Variants in DACH2 observed in about 807,000 individuals in gnomAD.
The protein encoded by DACH2 is dachshund family transcription factor 2.
Under a neutral mutation model 35.8 loss-of-function variants are expected in DACH2, and 17 were observed. The observed-to-expected ratio is 0.48, with a 90% CI of 0.33 to 0.71. DACH2 has a LOEUF of 0.71. Ranked by LOEUF, DACH2 falls within the 30% of genes least tolerant of loss-of-function variation. DACH2 has a pLI of 0.02. For synonymous variants in DACH2, 195 were observed against 177.3 expected (o/e 1.10, Z -0.79); for missense variants, 469 against 472.7 (o/e 0.99, Z 0.07).
chrX:86,445,340 A>T (rs2037243725), intron 2 of DACH2, among the ~76,000 whole-genome samples: 1 of 60,434 alleles, frequency 1.7e-5, no homozygotes, highest in Non-Finnish European at 2.8e-5. Flanking sequence ...GGGGAATATC[A>T]CACTCTGGGG....
rs984975922 is a variant in DACH2, at chrX:86,778,225, A to T, written c.1241-34631A>T. ...TTGAGATCCCTCCATACTGTTTTCC[A>T]TAATGGCTGTACTGATTTACATTCC... On this transcript the variant is annotated intron_variant, in intron 7 of 11. Transcript: ENST00000373125. Among the ~76,000 whole-genome samples the T allele has an allele frequency of 2.7e-5, 3 of 111,539 alleles. No homozygotes were observed. The Admixed American group carries it at 2.9e-4, about 11-fold the overall frequency.
At chrX:86,348,958 C>T (rs4828147) in intron 1 of DACH2, among the ~76,000 whole-genome samples, 3 of 110,356 alleles carry the variant, frequency 2.7e-5, no homozygotes, top group East Asian at 2.9e-4. Context: ...TTAGAGCTCC[C>T]GAAGCCCCAG....
In DACH2 at chrX:86,655,999, G is replaced by T. The variant is rs186400148; in HGVS notation, c.772+4832G>T. Reference sequence around the variant, plus strand: ...CCAAGGAGTATATCATCAAGACTTTGTCCAGTGCGAAGAGACCAAGAAATA... The same window carrying T: ...CCAAGGAGTATATCATCAAGACTTTTTCCAGTGCGAAGAGACCAAGAAATA... On this transcript the variant is annotated intron_variant, in intron 4 of 11. Transcript: ENST00000373125. Among the ~76,000 whole-genome samples, 436 of 106,274 alleles carry T rather than the reference G, an allele frequency of 4.1e-3. 2 individuals carry two copies. Among genetic ancestry groups the T allele is most frequent in the African/African-American group, 0.014 (414 of 28,857 alleles). The allele number at this position is 106,274 out of a possible 115,157, so 92.3% of individuals were successfully genotyped here.
intron 4 of DACH2, among the ~76,000 whole-genome samples, chrX:86,670,677 C>T (rs995633751): frequency 3.6e-5 from 4 of 111,384 alleles, no homozygotes; most frequent in African/African-American, 1.3e-4. Flanking sequence ...AATGGTTCAT[C>T]CACTAATTAG....
chrX:86,461,110 G>A (rs1236892717), intron 2 of DACH2, among the ~76,000 whole-genome samples: 1 of 111,160 alleles, frequency 9.0e-6, no homozygotes, highest in Non-Finnish European at 1.9e-5. Context: ...ACCTATTTAT[G>A]TTTTAAAAAC....
intron 2 of DACH2, among the ~76,000 whole-genome samples, chrX:86,402,600 G>T (rs2036453950): frequency 9.0e-6 from 1 of 111,674 alleles, no homozygotes; most frequent in Non-Finnish European, 1.9e-5. Flanking sequence ...AAGGGTCATA[G>T]TGCCCAAGGA....
intron 1 of DACH2, among the ~76,000 whole-genome samples, chrX:86,311,476 T>C (rs1246633802): frequency 9.0e-6 from 1 of 111,323 alleles, no homozygotes; most frequent in Non-Finnish European, 1.9e-5. Flanking sequence ...GGGGCAAAGT[T>C]CTCCAGAAGG....
intron 3 of DACH2, among the ~76,000 whole-genome samples, chrX:86,518,481 T>A (rs190070263): frequency 1.5e-4 from 17 of 112,201 alleles, no homozygotes; most frequent in Admixed American, 8.5e-4. Flanking sequence ...GTAAATTGCT[T>A]TGGGCAGTAT....
intron 2 of DACH2, among the ~76,000 whole-genome samples, chrX:86,451,125 T>G (rs1404191986): frequency 2.7e-5 from 3 of 111,874 alleles, no homozygotes; most frequent in Admixed American, 1.9e-4. Context: ...GGTGTTTTTG[T>G]TATGAAATCT....
chrX:86,392,391 CTAAA>C (rs756285731), intron 2 of DACH2, among the ~76,000 whole-genome samples: 22 of 111,301 alleles, frequency 2.0e-4, no homozygotes, highest in African/African-American at 6.2e-4. Context: ...TCCCAAAGTA[CTAAA>C]TAAAGAAAGG....
chrX:86,735,821 G>A (rs910685907), intron 6 of DACH2, among the ~76,000 whole-genome samples: 4 of 111,618 alleles, frequency 3.6e-5, no homozygotes, highest in African/African-American at 1.3e-4. Flanking sequence ...TTATCAATGA[G>A]TAAAAGTGAT....
intron 3 of DACH2, among the ~76,000 whole-genome samples, chrX:86,562,010 CAT>C (rs1287994810): frequency 3.9e-5 from 3 of 76,026 alleles, no homozygotes; most frequent in African/African-American, 1.4e-4. Context: ...GAAAATGAAA[CAT>C]AAAAAAAAAA....
At chrX:86,761,427 G>A (rs750074261) in intron 7 of DACH2, among the ~76,000 whole-genome samples, 1 of 111,658 alleles carries the variant, frequency 9.0e-6, no homozygotes, top group Non-Finnish European at 1.9e-5. Flanking sequence ...AGAGAAATAG[G>A]GATGCTTTTA....
chrX:86,235,327 T>A (rs1229104153), intron 1 of DACH2, among the ~76,000 whole-genome samples: 1 of 112,374 alleles, frequency 8.9e-6, no homozygotes, highest in Non-Finnish European at 1.9e-5. Flanking sequence ...ATTCCACCAT[T>A]TTCTGTCATC....
chrX:86,487,092 A>G (rs1465598904), intron 2 of DACH2, among the ~76,000 whole-genome samples: 2 of 111,508 alleles, frequency 1.8e-5, no homozygotes, highest in Admixed American at 9.6e-5. Flanking sequence ...AACATATACT[A>G]TTATTTTTTA....
At chrX:86,338,509 T>C (rs1332634607) in intron 1 of DACH2, among the ~76,000 whole-genome samples, 9 of 111,841 alleles carry the variant, frequency 8.0e-5, no homozygotes, top group Non-Finnish European at 1.3e-4. Flanking sequence ...AAGATGTTCT[T>C]TGAAACCAAT....
At chrX:86,614,116 C>T (rs901757593) in intron 3 of DACH2, among the ~76,000 whole-genome samples, 5 of 111,744 alleles carry the variant, frequency 4.5e-5, no homozygotes, top group Non-Finnish European at 7.5e-5. Context: ...GATACCTGAT[C>T]TACTGAAGAA....
chrX:86,370,583 A>C (rs1018516587), intron 1 of DACH2, among the ~76,000 whole-genome samples: 14 of 111,502 alleles, frequency 1.3e-4, no homozygotes, highest in Non-Finnish European at 1.3e-4. Flanking sequence ...GTCACCCATG[A>C]TGTCTAGCCA....
chrX:86,190,617 G>A (rs2147891683), intron 1 of DACH2, among the ~76,000 whole-genome samples: 1 of 112,195 alleles, frequency 8.9e-6, no homozygotes, highest in African/African-American at 3.2e-5. Flanking sequence ...AAATCTCAAT[G>A]AGACCATCTC....
Sources: allele counts gnomAD v4.1 joint callset (sites outside exome capture counted in the v4.1 genomes callset), GRCh38; gene constraint gnomAD v4.1.1; transcripts MANE v1.5; gene names NCBI Gene and HGNC (gene_info 2026-07-23, HGNC 2026-07-21).